Variants in PRLR observed in about 807,000 individuals in gnomAD.
The protein encoded by PRLR is prolactin receptor.
A neutral mutation model predicts 40.2 loss-of-function variants in PRLR; 13 were observed. That is an observed-to-expected ratio of 0.32 (90% confidence interval 0.21 to 0.51). PRLR has a LOEUF of 0.51. PRLR is among the 20% of genes least tolerant of loss of function. The probability of loss-of-function intolerance (pLI) is 0.97; values close to 1 mark genes in which losing one functional copy is unlikely to be tolerated. For missense variants in PRLR, 656 were observed against 747.3 expected, an observed-to-expected ratio of 0.88 and a Z score of 1.42; for synonymous variants, 269 against 278.7, an observed-to-expected ratio of 0.97 and a Z score of 0.35.
chr5:35,187,656 A>G lies in PRLR; in HGVS notation c.-106+42612T>C, dbSNP rs149606380. Reference sequence around the variant, plus strand: ...GTGTGAAGAGTTCATGATTTCCATGACCCCAAGCCCTTCAAATAATAGTGA... The same window carrying G: ...GTGTGAAGAGTTCATGATTTCCATGGCCCCAAGCCCTTCAAATAATAGTGA... On this transcript the variant is annotated intron_variant, in intron 1 of 9. Transcript: ENST00000618457. Among the ~76,000 whole-genome samples the G allele has an allele frequency of 4.6e-3, 705 of 152,210 alleles. 5 individuals carry two copies. Among genetic ancestry groups the G allele is most frequent in the African/African-American group, 0.016 (660 of 41,526 alleles).
At chr5:35,199,261 T>C (rs887678573) in intron 1 of PRLR, among the ~76,000 whole-genome samples, 1 of 152,154 alleles carries the variant, frequency 6.6e-6, no homozygotes, top group African/African-American at 2.4e-5. Flanking sequence ...GCCCTAGTTC[T>C]TTTCTCCCCC....
downstream of PRLR, among the ~76,000 whole-genome samples, chr5:35,053,815 A>G (rs1289467682): frequency 6.6e-6 from 1 of 152,216 alleles, no homozygotes; most frequent in African/African-American, 2.4e-5. Flanking sequence ...CTGAAAATTC[A>G]TATGATGAGT....
intron 1 of PRLR, among the ~76,000 whole-genome samples, chr5:35,224,657 A>G (rs1237748040): frequency 6.6e-6 from 1 of 152,190 alleles, no homozygotes; most frequent in Non-Finnish European, 1.5e-5. Context: ...ACATTTCACC[A>G]TTAGCATTTT....
In PRLR at chr5:35,183,941, C is replaced by A. The variant is rs1013919996; in HGVS notation, c.-106+46327G>T. Among the ~76,000 whole-genome samples, 11 of 152,258 alleles carry A rather than the reference C, an allele frequency of 7.2e-5. No homozygotes were observed. In the East Asian group the frequency reaches 1.5e-3, roughly 21 times the overall value. ...AAGTATTGTCCCCAACTGAAAGAAA[C>A]CCTGTGATAACTTGAATTTATTTGT... On this transcript the variant is annotated intron_variant, in intron 1 of 9. Coordinates refer to ENST00000618457, the MANE Select transcript of PRLR (RefSeq NM_000949.7).
chr5:35,181,753 G>C (rs1299516016), intron 1 of PRLR, among the ~76,000 whole-genome samples: 2 of 152,140 alleles, frequency 1.3e-5, no homozygotes, highest in South Asian at 2.1e-4. Flanking sequence ...AGAAATACCT[G>C]TGCCAATAAC....
intron 1 of PRLR, among the ~76,000 whole-genome samples, chr5:35,219,084 C>G (rs1050772121): frequency 6.6e-6 from 1 of 152,248 alleles, no homozygotes; most frequent in Non-Finnish European, 1.5e-5. Context: ...AGATGTGAGG[C>G]CTTCCTGGAG....
intron 1 of PRLR, among the ~76,000 whole-genome samples, chr5:35,196,310 G>A (rs774517829): frequency 6.6e-6 from 1 of 152,160 alleles, no homozygotes; most frequent in Non-Finnish European, 1.5e-5. Flanking sequence ...AAGGTAAAAG[G>A]ACAGGGAGTG....
intron 5 of PRLR, among the ~76,000 whole-genome samples, chr5:35,074,051 A>G (rs1769914565): frequency 6.6e-6 from 1 of 152,226 alleles, no homozygotes; most frequent in African/African-American, 2.4e-5. Flanking sequence ...TATAGATTCA[A>G]AAGAATTGAA....
chr5:35,049,820 A>C (rs1244690644), intron 8 of PRLR, among the ~76,000 whole-genome samples: 1 of 152,156 alleles, frequency 6.6e-6, no homozygotes, highest in Non-Finnish European at 1.5e-5. Context: ...CCTAGGTCAA[A>C]ATGTGTGTAC....
intron 1 of PRLR, among the ~76,000 whole-genome samples, chr5:35,137,678 C>A (rs995839326): frequency 2.0e-5 from 3 of 152,134 alleles, no homozygotes; most frequent in Non-Finnish European, 4.4e-5. Context: ...AATAACAAGG[C>A]AAGACAAGAA....
chr5:35,163,976 T>A (rs2111916129), intron 1 of PRLR, among the ~76,000 whole-genome samples: 1 of 152,354 alleles, frequency 6.6e-6, no homozygotes, highest in South Asian at 2.1e-4. Flanking sequence ...GACTAGTTGG[T>A]AGGAAGCTCT....
chr5:35,191,567 G>C (rs1775608470), intron 1 of PRLR, among the ~76,000 whole-genome samples: 1 of 152,190 alleles, frequency 6.6e-6, no homozygotes, highest in African/African-American at 2.4e-5. Flanking sequence ...ATTTCAGCCA[G>C]AACTTTCCTT....
At chr5:35,128,850 T>A (rs1451090089) in intron 1 of PRLR, among the ~76,000 whole-genome samples, 1 of 152,114 alleles carries the variant, frequency 6.6e-6, no homozygotes, top group Non-Finnish European at 1.5e-5. Context: ...GAAGGTGGAG[T>A]TGCAGAGATA....
At chr5:35,070,930 G>C (rs1311362421) in intron 6 of PRLR, among the ~76,000 whole-genome samples, 1 of 151,340 alleles carries the variant, frequency 6.6e-6, no homozygotes, top group Non-Finnish European at 1.5e-5. Context: ...ATAATAAATT[G>C]GTGTTAAAAA....
chr5:35,223,793 G>A (rs1007957657), intron 1 of PRLR, among the ~76,000 whole-genome samples: 29 of 152,204 alleles, frequency 1.9e-4, no homozygotes, highest in African/African-American at 7.0e-4. Flanking sequence ...CTCCTCCAGA[G>A]CAAGAACCAT....
At chr5:35,195,948 A>C (rs1468097536) in intron 1 of PRLR, among the ~76,000 whole-genome samples, 2 of 152,218 alleles carry the variant, frequency 1.3e-5, no homozygotes, top group Non-Finnish European at 2.9e-5. Flanking sequence ...CTAAGCAAAA[A>C]AATGAAAACG....
intron 2 of PRLR, among the ~76,000 whole-genome samples, chr5:35,107,625 G>A (rs1326404965): frequency 6.6e-6 from 1 of 152,096 alleles, no homozygotes; most frequent in Non-Finnish European, 1.5e-5. Context: ...AGAAAATCTA[G>A]AAGAAATGGA....
rs571067558 is a variant in PRLR, at chr5:35,180,955, G to T, written c.-106+49313C>A. Among the ~76,000 whole-genome samples the T allele has an allele frequency of 2.6e-5, 4 of 152,198 alleles. No individual in the cohort carries two copies. The East Asian group carries it at 7.7e-4, about 29-fold the overall frequency. On this transcript the variant is annotated intron_variant, in intron 1 of 9. Coordinates refer to ENST00000618457, the MANE Select transcript of PRLR (RefSeq NM_000949.7). ...GCACTGTGAGGATGGCCTAATACAG[G>T]TATGGATCTCCTACCTTCTCAATTC...
At chr5:35,187,342 A>G (rs6451189) in intron 1 of PRLR, among the ~76,000 whole-genome samples, 136,202 of 151,530 alleles carry the variant, frequency 0.9, 62,035 homozygotes, top group African/African-American at 0.97. Context: ...CAGAGGTTGT[A>G]GTGAGCCGAG....
Sources: gnomAD v4.1 joint callset for allele counts (sites outside exome capture counted in the v4.1 genomes callset) on GRCh38, gnomAD v4.1.1 for gene constraint, MANE v1.5 for transcripts, NCBI Gene and HGNC (gene_info 2026-07-23, HGNC 2026-07-21) for gene names.